Variants in ANKK1 observed in about 807,000 individuals in gnomAD.
The protein encoded by ANKK1 is ankyrin repeat and kinase domain containing 1.
In ANKK1, 37 loss-of-function variants were observed where a neutral mutation model predicts 37.6. The observed-to-expected ratio is 0.98, with a 90% CI of 0.76 to 1.29. The LOEUF is 1.29. ANKK1 is among the 50% of genes most tolerant of loss of function. The probability of loss-of-function intolerance (pLI) is 0.00; values close to 1 mark genes in which losing one functional copy is unlikely to be tolerated. For synonymous variants in ANKK1, 415 were observed against 418.7 expected (o/e 0.99, Z 0.11); for missense variants, 1,019 against 990.6 (o/e 1.03, Z -0.39).
At chr11:113,395,936 A>T in intron 4 of ANKK1, 131 bp from the exon 5 acceptor site, 2 of 1,036,254 alleles carry the variant, frequency 1.9e-6, no homozygotes, top group Non-Finnish European at 2.8e-6. Context: ...CTAGCTGTTT[A>T]CTCACCAAGC....
intron 7 of ANKK1, among the ~76,000 whole-genome samples, chr11:113,398,314 T>TAAA (rs10585601): frequency 7.8e-5 from 10 of 128,166 alleles, no homozygotes; most frequent in African/African-American, 2.5e-4. Context: ...CTCGGGAAAT[T>TAAA]AAAAAAAAAA....
intron 7 of ANKK1, 31 bp from the exon 8 acceptor site, chr11:113,398,932 CT>C (rs141412921): frequency 5.0e-5 from 76 of 1,533,382 alleles, no homozygotes; most frequent in Middle Eastern, 3.7e-4. Flanking sequence ...GGTCACAGGT[CT>C]TTTTTTTCAA....
chr11:113,399,365 C>A lies in ANKK1; in HGVS notation c.1396C>A (p.His466Asn). 1 of 1,600,446 alleles carries A rather than the reference C, an allele frequency of 6.2e-7. No individual in the cohort carries two copies. Among genetic ancestry groups the A allele is most frequent in the Non-Finnish European group, 8.5e-7 (1 of 1,173,910 alleles). ...AQEREGWTPL[H>N]LAAQNNFENV... ...GGAACGTGAAGGGTGGACCCCTCTT[C>A]ACCTGGCTGCACAGAATAACTTTGA... The change falls in exon 8 of 8, where the codon CAC becomes AAC. Residue 466 changes from histidine to asparagine, a missense_variant. Physicochemically the swap from His to Asn is moderately conservative, Grantham distance 68. Transcript: ENST00000303941.
chr11:113,395,687 A>AC (rs1950631954), intron 4 of ANKK1, among the ~76,000 whole-genome samples: 1 of 151,672 alleles, frequency 6.6e-6, no homozygotes, highest in Non-Finnish European at 1.5e-5. Context: ...CTGCCTTCTC[A>AC]CACCCCTGCC....
intron 5 of ANKK1, 111 bp downstream of exon 5, chr11:113,396,333 C>A: frequency 1.5e-6 from 2 of 1,307,842 alleles, no homozygotes; most frequent in Non-Finnish European, 2.1e-6. Context: ...GTACTACGGC[C>A]TAGAAGGACT....
Position 113,396,226 on chromosome 11 carries a change from C to T in ANKK1, c.838+4C>T. On this transcript the variant is annotated splice_donor_region_variant and intron_variant, in intron 5 of 7. Transcript: ENST00000303941. ...AAGAAGAGGCCATGCTTTCTAGGTG[C>T]TTATCCAGTGCCCCCTACCCAGGGA... The T allele has an allele frequency of 6.2e-7, 1 of 1,613,464 alleles. No individual in the cohort carries two copies. The highest frequency in any genetic ancestry group is 1.1e-5 in the South Asian group (1 of 91,024).
Position 113,400,208 on chromosome 11 carries a change from A to C in ANKK1, c.2239A>C (p.Lys747Gln), listed in dbSNP as rs1377299623. The C allele has an allele frequency of 1.3e-6, 2 of 1,555,118 alleles. No individual in the cohort carries two copies. The highest frequency in any genetic ancestry group is 2.4e-5 in the South Asian group (2 of 84,494). Residue 747 changes from lysine to glutamine, a missense_variant, in exon 8 of 8, where the codon AAG (lysine) becomes CAG (glutamine). By Grantham distance (53) the Lys-to-Gln change is moderately conservative (BLOSUM62 1). Coordinates refer to ENST00000303941, the MANE Select transcript of ANKK1 (RefSeq NM_178510.2). The stretch of plus-strand genomic sequence containing the variant: ...GGGCATCATGTCCTTCCTAGAGGGC[A>C]AGGAGCCGTCAGTGGCCACTCTGGG... ...KQGIMSFLEG[K>Q]EPSVATLGGS...
chr11:113,398,906 T>C lies in ANKK1; in HGVS notation c.995-58T>C, dbSNP rs1220663547. 2.1e-6 allele frequency: 3 copies of C among 1,460,676 alleles called. No homozygotes were observed. In the African/African-American group the frequency reaches 4.2e-5, roughly 21 times the overall value. The allele number at this position is 1,460,676 out of a possible 1,614,324, so 90.5% of individuals were successfully genotyped here. Reference sequence around the variant, plus strand: ...CTTCCAGGAGGCAGGGGGATGGCCATGATGACCTCTGGACGGGTCACAGGT... The same window carrying C: ...CTTCCAGGAGGCAGGGGGATGGCCACGATGACCTCTGGACGGGTCACAGGT... On this transcript the variant is annotated intron_variant, in intron 7 of 7. Transcript: ENST00000303941.
intron 7 of ANKK1, among the ~76,000 whole-genome samples, chr11:113,398,314 T>TAAAAAAAAAA (rs10585601): frequency 7.8e-6 from 1 of 128,186 alleles, no homozygotes; most frequent in Non-Finnish European, 1.6e-5. Flanking sequence ...CTCGGGAAAT[T>TAAAAAAAAAA]AAAAAAAAAA....
In ANKK1 at chr11:113,388,011, C is replaced by T. The variant is rs368483324; in HGVS notation, c.127C>T (p.Arg43Cys). The T allele has an allele frequency of 3.2e-6, 5 of 1,566,032 alleles. No individual in the cohort carries two copies. Among genetic ancestry groups the T allele is most frequent in the Non-Finnish European group, 4.3e-6 (5 of 1,161,406 alleles). Reference sequence around the variant, plus strand: ...CCAGGTGTTCCAGGCGCGGCACAGGCGCTGGCGGACGGAGTACGCCATCAA... The same window carrying T: ...CCAGGTGTTCCAGGCGCGGCACAGGTGCTGGCGGACGGAGTACGCCATCAA... ...FSQVFQARHR[R>C]WRTEYAIKCA... Residue 43 changes from arginine (R) to cysteine (C), a missense_variant, in exon 1 of 8, where the codon CGC becomes TGC. By Grantham distance (180) the Arg-to-Cys change is radical. Coordinates refer to ENST00000303941, the MANE Select transcript of ANKK1 (RefSeq NM_178510.2).
rs757598463 is a variant in ANKK1, at chr11:113,395,443, G to A, written c.682+35G>A. ...CGGCTGTGGCTCTGTGTTGGGGGCA[G>A]GAGGACCCCTGGGATGGGCTCCTGG... On this transcript the variant is annotated intron_variant, in intron 4 of 7. Coordinates refer to ENST00000303941, the MANE Select transcript of ANKK1 (RefSeq NM_178510.2). 3.1e-6 allele frequency: 5 copies of A among 1,610,644 alleles called. No individual in the cohort carries two copies. The East Asian group carries it at 1.1e-4, about 36-fold the overall frequency.
intron 1 of ANKK1, among the ~76,000 whole-genome samples, chr11:113,389,137 C>T (rs920640328): frequency 6.6e-6 from 1 of 152,116 alleles, no homozygotes; most frequent in African/African-American, 2.4e-5. Flanking sequence ...GGAGGAGGGT[C>T]AGAGTATGCT....
intron 1 of ANKK1, among the ~76,000 whole-genome samples, chr11:113,393,173 C>T (rs1429959479): frequency 6.6e-6 from 1 of 152,152 alleles, no homozygotes; most frequent in Non-Finnish European, 1.5e-5. Context: ...GGGAGATAAA[C>T]ATAGAAACAA....
Position 113,399,252 on chromosome 11 carries a change from G to A in ANKK1, c.1283G>A (p.Gly428Asp). ...GATGCCAACCGAGTGGATGAGGATG[G>A]CTGGGCCCCACTGCACTTTGCAGCC... ...GADANRVDED[G>D]WAPLHFAAQN... Residue 428 changes from glycine to aspartate, a missense_variant, in exon 8 of 8, where the codon GGC becomes GAC. Transcript: ENST00000303941. 6.2e-7 allele frequency: 1 copy of A among 1,607,566 alleles called. No individual in the cohort carries two copies. The highest frequency in any genetic ancestry group is 1.1e-5 in the South Asian group (1 of 89,434).
intron 3 of ANKK1, 78 bp from the exon 4 acceptor site, chr11:113,395,281 C>T (rs890620806): frequency 5.1e-6 from 8 of 1,580,528 alleles, no homozygotes; most frequent in South Asian, 1.1e-5. Flanking sequence ...ACTGTAGCCC[C>T]CCGACCCTGC....
intron 4 of ANKK1, among the ~76,000 whole-genome samples, chr11:113,395,769 C>T (rs1401965324): frequency 6.6e-6 from 1 of 152,194 alleles, no homozygotes; most frequent in East Asian, 1.9e-4. Context: ...AGAGTCAGAG[C>T]CTTTACCTAG....
intron 1 of ANKK1, 27 bp downstream of exon 1, chr11:113,388,096 C>A (rs1275288883): frequency 3.5e-6 from 5 of 1,447,218 alleles, no homozygotes; most frequent in Non-Finnish European, 3.6e-6. Context: ...CCTCCCCTTT[C>A]TCGGAGGAGA....
intron 1 of ANKK1, among the ~76,000 whole-genome samples, chr11:113,388,658 T>C (rs1950565530): frequency 6.6e-6 from 1 of 152,220 alleles, no homozygotes; most frequent in Non-Finnish European, 1.5e-5. Flanking sequence ...TGGAGTTCTC[T>C]CATCTCTGTT....
chr11:113,397,900 G>A, intron 6 of ANKK1, 80 bp from the exon 7 acceptor site: 1 of 1,468,666 alleles, frequency 6.8e-7, no homozygotes. Flanking sequence ...GAAGGTTGGA[G>A]AGAGGGAAGG....
Sources: allele counts gnomAD v4.1 joint callset (sites outside exome capture counted in the v4.1 genomes callset), GRCh38; gene constraint gnomAD v4.1.1; transcripts MANE v1.5; gene names NCBI Gene and HGNC (gene_info 2026-07-23, HGNC 2026-07-21).